Variants in TMOD3 observed in about 807,000 individuals in gnomAD.
TMOD3 encodes tropomodulin 3.
Under a neutral mutation model 39.2 loss-of-function variants are expected in TMOD3, and 20 were observed. The ratio of observed to expected loss-of-function variants is 0.51; its 90% CI spans 0.36 to 0.74. TMOD3 has a LOEUF of 0.74. TMOD3 is among the 30% of genes least tolerant of loss of function. The probability of loss-of-function intolerance (pLI) is 0.00; values close to 1 mark genes in which losing one functional copy is unlikely to be tolerated. For missense variants in TMOD3, 381 were observed against 412.8 expected (o/e 0.92, Z 0.67); for synonymous variants, 143 against 145.8 (o/e 0.98, Z 0.14).
intron 5 of TMOD3, among the ~76,000 whole-genome samples, chr15:51,891,894 G>A (rs2593165): frequency 2.6e-5 from 4 of 152,052 alleles, no homozygotes; most frequent in South Asian, 2.1e-4. Flanking sequence ...TTGTTCTAAC[G>A]CAGCCTCTCA....
At chr15:51,845,322 A>G (rs540095674) in intron 1 of TMOD3, among the ~76,000 whole-genome samples, 3 of 152,328 alleles carry the variant, frequency 2.0e-5, no homozygotes, top group African/African-American at 7.2e-5. Flanking sequence ...CACCTGTCAG[A>G]ACCAGGACTA....
rs527737680 is a variant in TMOD3, at chr15:51,868,138, A to G, written c.127-1079A>G. On this transcript the variant is annotated intron_variant, in intron 2 of 9. Coordinates refer to ENST00000308580, the MANE Select transcript of TMOD3 (RefSeq NM_014547.5). ...TTAAACTGAAGTAAACATTAATCTG[A>G]TATCCTACTGTATGGTATATATGTT... 3.3e-5 allele frequency among the ~76,000 whole-genome samples: 5 copies of G among 152,300 alleles called. No homozygotes were observed. The East Asian group carries it at 7.7e-4, about 23-fold the overall frequency.
At chr15:51,857,861 T>C (rs1179802990) in intron 1 of TMOD3, among the ~76,000 whole-genome samples, 2 of 152,162 alleles carry the variant, frequency 1.3e-5, no homozygotes, top group African/African-American at 4.8e-5. Flanking sequence ...ATCATTGATA[T>C]TTTTATAAAG....
At chr15:51,831,625 T>A (rs1263276698) in intron 1 of TMOD3, among the ~76,000 whole-genome samples, 1 of 150,526 alleles carries the variant, frequency 6.6e-6, no homozygotes, top group African/African-American at 2.5e-5. Context: ...GATGGCTTTT[T>A]CAACTCTCAG....
chr15:51,832,014 C>A (rs150630145), intron 1 of TMOD3, among the ~76,000 whole-genome samples: 37 of 151,714 alleles, frequency 2.4e-4, no homozygotes, highest in African/African-American at 8.2e-4. Context: ...AAGACCCTGT[C>A]TCTACAAAAT....
Position 51,913,719 on chromosome 15 carries a change from A to C in TMOD3, c.*4909A>C, listed in dbSNP as rs149890383. 36 of 152,220 alleles carry C rather than the reference A, an allele frequency of 2.4e-4. No homozygotes were observed. The highest frequency in any genetic ancestry group is 8.7e-4 in the African/African-American group (36 of 41,466). The allele number at this position is 152,220 out of a possible 1,614,324, so 9.4% of individuals were successfully genotyped here. A position where few individuals can be genotyped will look rare whatever the true frequency, so the allele number is the denominator to read the frequency against. ...TATTTTGGAAAGCCTTCATTAACAC[A>C]TAAAGAATTTTGGCCAAGTACTGTG... On this transcript the variant is annotated 3_prime_UTR_variant, in exon 10 of 10. Transcript: ENST00000308580.
chr15:51,875,701 C>T (rs934130715), intron 3 of TMOD3, among the ~76,000 whole-genome samples: 7 of 150,588 alleles, frequency 4.6e-5, no homozygotes, highest in Non-Finnish European at 1.0e-4. Flanking sequence ...CTGCAAGTTC[C>T]ACCTCCTGGG....
intron 9 of TMOD3, among the ~76,000 whole-genome samples, chr15:51,906,474 C>T (rs1395137057): frequency 6.6e-6 from 1 of 152,158 alleles, no homozygotes; most frequent in East Asian, 1.9e-4. Context: ...TCCATCTCTC[C>T]AGCTAAGAAG....
At position 51,872,424 on chromosome 15, in the gene TMOD3, G is replaced by A. The variant is rs77990213; in HGVS notation, c.283+3051G>A. ...AAAAAAGGTAACATCAGCACCCACTGAAGGCCCTATCATGCTCCTTCCCAG... is the reference window on the plus strand; with the variant it reads ...AAAAAAGGTAACATCAGCACCCACTAAAGGCCCTATCATGCTCCTTCCCAG... On this transcript the variant is annotated intron_variant, in intron 3 of 9. Transcript: ENST00000308580. Among the ~76,000 whole-genome samples, 213 of 151,548 alleles carry A rather than the reference G, an allele frequency of 1.4e-3. 10 individuals are homozygous for A. Among genetic ancestry groups the A allele is most frequent in the East Asian group, 9.9e-3 (51 of 5,156 alleles).
chr15:51,859,035 A>T, intron 1 of TMOD3: 1 of 370,128 alleles, frequency 2.7e-6, no homozygotes, highest in Admixed American at 4.2e-5. Context: ...TAAAAAATTA[A>T]CAAGTTAATA....
intron 1 of TMOD3, chr15:51,833,443 A>G (rs2056266096): frequency 6.6e-6 from 1 of 152,256 alleles, no homozygotes; most frequent in Non-Finnish European, 1.5e-5. Context: ...GAGTTCTGAC[A>G]ATTGTATACA....
intron 5 of TMOD3, among the ~76,000 whole-genome samples, chr15:51,890,438 A>C (rs965766856): frequency 6.6e-6 from 1 of 151,500 alleles, no homozygotes; most frequent in African/African-American, 2.4e-5. Flanking sequence ...CAGCCTCCCA[A>C]AGTGCTGGGA....
chr15:51,888,907 AT>A (rs1273335477), intron 4 of TMOD3, 148 bp from the exon 5 acceptor site: 2 of 573,120 alleles, frequency 3.5e-6, no homozygotes, highest in Non-Finnish European at 6.2e-6. Context: ...ATTATAGGTG[AT>A]TTTTAATCAT....
chr15:51,881,033 G>A (rs1417718559), intron 3 of TMOD3, among the ~76,000 whole-genome samples: 1 of 152,080 alleles, frequency 6.6e-6, no homozygotes, highest in Non-Finnish European at 1.5e-5. Flanking sequence ...TCACATTGTG[G>A]TTTTGATTTG....
intron 9 of TMOD3, among the ~76,000 whole-genome samples, chr15:51,905,958 A>G (rs2056677643): frequency 7.1e-6 from 1 of 141,344 alleles, no homozygotes; most frequent in Non-Finnish European, 1.5e-5. Flanking sequence ...CTCAAAAAAA[A>G]AAAAAAAAAA....
intron 3 of TMOD3, among the ~76,000 whole-genome samples, chr15:51,872,616 G>A (rs1247913797): frequency 1.5e-5 from 1 of 67,698 alleles, no homozygotes; most frequent in Non-Finnish European, 3.7e-5. Flanking sequence ...TTTTTTTTTG[G>A]TTTGGTTTTT....
At chr15:51,904,941 G>A (rs568460460) in intron 9 of TMOD3, among the ~76,000 whole-genome samples, 50 of 152,266 alleles carry the variant, frequency 3.3e-4, no homozygotes, top group African/African-American at 1.1e-3. Context: ...GCTTTGTTCC[G>A]GGAACTCTCT....
Position 51,915,380 on chromosome 15 carries a change from T to A in TMOD3, c.*6570T>A, listed in dbSNP as rs1470802247. On this transcript the variant is annotated 3_prime_UTR_variant, in exon 10 of 10. Transcript: ENST00000308580. ...TTTTGTAATTTCAAATGTCTTTTTTTCAGTTTTTTGGATGAATTATTATAT... is the reference window on the plus strand; with the variant it reads ...TTTTGTAATTTCAAATGTCTTTTTTACAGTTTTTTGGATGAATTATTATAT... The A allele has an allele frequency of 6.6e-6, 1 of 152,228 alleles. No individual in the cohort carries two copies. The highest frequency in any genetic ancestry group is 2.4e-5 in the African/African-American group (1 of 41,470). 9.4% of individuals were successfully genotyped at this position (152,228 alleles called of 1,614,324 possible).
At chr15:51,835,977 G>A (rs1363421726) in intron 1 of TMOD3, among the ~76,000 whole-genome samples, 1 of 152,048 alleles carries the variant, frequency 6.6e-6, no homozygotes, top group African/African-American at 2.4e-5. Flanking sequence ...AGACAACTGG[G>A]GACTTACCAG....
Sources: gnomAD v4.1 joint callset for allele counts (sites outside exome capture counted in the v4.1 genomes callset) on GRCh38, gnomAD v4.1.1 for gene constraint, MANE v1.5 for transcripts, NCBI Gene and HGNC (gene_info 2026-07-23, HGNC 2026-07-21) for gene names.